CLYBL: variants seen among roughly 807,000 people sequenced by gnomAD.
CLYBL encodes the protein citramalyl-CoA lyase, mitochondrial.
A neutral mutation model predicts 38.9 loss-of-function variants in CLYBL; 31 were observed. The observed-to-expected ratio is 0.80, with a 90% CI of 0.60 to 1.08. CLYBL has a LOEUF of 1.08. Among genes scored for constraint, CLYBL ranks in the 50% least tolerant of loss-of-function variants. The pLI is 0.00. For synonymous variants in CLYBL, 171 were observed against 158.6 expected (o/e 1.08, Z -0.59); for missense variants, 434 against 411.6 (o/e 1.05, Z -0.47).
intron 2 of CLYBL, among the ~76,000 whole-genome samples, chr13:99,838,063 T>G (rs1375778303): frequency 6.6e-6 from 1 of 152,230 alleles, no homozygotes; most frequent in Non-Finnish European, 1.5e-5. Context: ...TTAAAAATGA[T>G]AGTTTTTATC....
chr13:99,755,880 C>T lies in CLYBL; in HGVS notation c.63-16944C>T, dbSNP rs190995880. Among the ~76,000 whole-genome samples, 436 of 152,286 alleles carry T rather than the reference C, an allele frequency of 2.9e-3. 3 individuals are homozygous for T. The highest frequency in any genetic ancestry group is 3.4e-3 in the Non-Finnish European group (230 of 68,034). On this transcript the variant is annotated intron_variant, in intron 1 of 8. Transcript: ENST00000339105. The stretch of plus-strand genomic sequence containing the variant: ...ATTACTTGGGCTCTCCCCACCGAAC[C>T]GCTGTCAGCATCTGAAGGGCTTTGT...
chr13:99,712,331 CTTTTTTTT>C (rs766784946), intron 1 of CLYBL, among the ~76,000 whole-genome samples: 1 of 120,840 alleles, frequency 8.3e-6, no homozygotes, highest in Non-Finnish European at 1.7e-5. Flanking sequence ...TAGCAATTGA[CTTTTTTTT>C]TTTTTTTTTT....
chr13:99,649,296 T>A (rs1016499854), intron 1 of CLYBL, among the ~76,000 whole-genome samples: 3 of 152,180 alleles, frequency 2.0e-5, no homozygotes, highest in Non-Finnish European at 4.4e-5. Context: ...TCATGCCAGC[T>A]CGCTTCTAGC....
At chr13:99,842,712 T>A (rs9585241) in intron 2 of CLYBL, among the ~76,000 whole-genome samples, 4,057 of 108,670 alleles carry the variant, frequency 0.037, 178 homozygotes, top group African/African-American at 0.12. Context: ...GCCCTTTTTT[T>A]TAAAAAAAAA....
At chr13:99,894,507 A>G (rs1238890253), downstream of CLYBL, 1 of 152,228 alleles carries the variant, frequency 6.6e-6, no homozygotes, top group Non-Finnish European at 1.5e-5. Context: ...ATGAGAAACA[A>G]TTACTTAGAA....
chr13:99,712,051 C>T (rs774575499), intron 1 of CLYBL, among the ~76,000 whole-genome samples: 3 of 152,144 alleles, frequency 2.0e-5, no homozygotes, highest in Admixed American at 6.5e-5. Flanking sequence ...GCTCAGTCCT[C>T]GTGACTAATC....
chr13:99,676,331 CAG>C (rs1320962563), intron 1 of CLYBL, among the ~76,000 whole-genome samples: 5 of 151,872 alleles, frequency 3.3e-5, no homozygotes, highest in African/African-American at 9.7e-5. Flanking sequence ...CTCTTTCTGA[CAG>C]AGTTTCACTC....
intron 1 of CLYBL, among the ~76,000 whole-genome samples, chr13:99,641,277 G>A (rs1779832570): frequency 6.6e-6 from 1 of 152,136 alleles, no homozygotes; most frequent in South Asian, 2.1e-4. Flanking sequence ...GTGGATGAAG[G>A]TGGGAACCCA....
rs145263766 is a variant in CLYBL at position 99,662,855 on chromosome 13, T to C, written c.62+56098T>C. On this transcript the variant is annotated intron_variant, in intron 1 of 8. Transcript: ENST00000339105. ...TTCCCTTATCAGCATTCTTCTCCCTTGTAATGTGGTTTGTTGCTTATATTT... is the reference window on the plus strand; with the variant it reads ...TTCCCTTATCAGCATTCTTCTCCCTCGTAATGTGGTTTGTTGCTTATATTT... Among the ~76,000 whole-genome samples, 449 of 152,306 alleles carry C rather than the reference T, an allele frequency of 2.9e-3. 1 individual carries two copies. The highest frequency in any genetic ancestry group is 5.3e-3 in the Non-Finnish European group (362 of 68,018).
chr13:99,631,190 C>T (rs1003589704), intron 1 of CLYBL, among the ~76,000 whole-genome samples: 19 of 151,968 alleles, frequency 1.3e-4, no homozygotes, highest in African/African-American at 4.6e-4. Flanking sequence ...CGCATGGTGG[C>T]GCATGCCTGT....
At chr13:99,863,714 C>T (rs894235463) in intron 4 of CLYBL, among the ~76,000 whole-genome samples, 5 of 152,268 alleles carry the variant, frequency 3.3e-5, no homozygotes, top group East Asian at 1.9e-4. Context: ...CGTTTTTTCT[C>T]GTTTATCAGG....
At chr13:99,720,309 C>G (rs2048375549) in intron 1 of CLYBL, among the ~76,000 whole-genome samples, 1 of 152,156 alleles carries the variant, frequency 6.6e-6, no homozygotes, top group Non-Finnish European at 1.5e-5. Context: ...CTCTGATATT[C>G]ACTCCCAGTC....
At chr13:99,907,927 G>A (rs192213053) in intron 9 of CLYBL, among the ~76,000 whole-genome samples, 146 of 152,262 alleles carry the variant, frequency 9.6e-4, no homozygotes, top group African/African-American at 3.2e-3. Flanking sequence ...GGCTTGCGAG[G>A]GACTCCTCCT....
chr13:99,886,921 C>T (rs1014368233), intron 7 of CLYBL, among the ~76,000 whole-genome samples: 1 of 152,176 alleles, frequency 6.6e-6, no homozygotes, highest in Admixed American at 6.5e-5. Flanking sequence ...TCACCAGGGC[C>T]TGGCACAAGG....
intron 2 of CLYBL, among the ~76,000 whole-genome samples, chr13:99,805,984 T>G (rs1035694588): frequency 6.6e-6 from 1 of 152,218 alleles, no homozygotes; most frequent in Non-Finnish European, 1.5e-5. Context: ...TCAATTCAGT[T>G]AACTATTCCC....
intron 2 of CLYBL, among the ~76,000 whole-genome samples, chr13:99,836,571 G>A (rs190329264): frequency 3.9e-5 from 6 of 152,276 alleles, no homozygotes; most frequent in Non-Finnish European, 8.8e-5. Flanking sequence ...CCAGTTTCAG[G>A]GCTCTGCATG....
chr13:99,740,963 A>T (rs1213668658), intron 1 of CLYBL, among the ~76,000 whole-genome samples: 1 of 152,164 alleles, frequency 6.6e-6, no homozygotes, highest in Non-Finnish European at 1.5e-5. Flanking sequence ...AAGAAATATG[A>T]TATTTATAAA....
At chr13:99,626,597 G>T (rs947444619) in intron 1 of CLYBL, among the ~76,000 whole-genome samples, 9 of 152,178 alleles carry the variant, frequency 5.9e-5, no homozygotes, top group African/African-American at 1.9e-4. Flanking sequence ...GAACTCTGCA[G>T]CTTATGGGGC....
rs372138484 is a variant in CLYBL at position 99,623,094 on chromosome 13, A to G, written c.62+16337A>G. Among the ~76,000 whole-genome samples the G allele has an allele frequency of 2.1e-4, 32 of 152,264 alleles. No individual in the cohort carries two copies. The South Asian group carries it at 6.0e-3, about 29-fold the overall frequency. ...CTGCTATGAACATTCATATACAGGT[A>G]TTTGTTTTCAGTTCCTTTAGGTTTA... is the stretch of plus-strand genomic sequence containing the variant. On this transcript the variant is annotated intron_variant, in intron 1 of 8. Transcript: ENST00000339105.
Sources: gnomAD v4.1 joint callset for allele counts (sites outside exome capture counted in the v4.1 genomes callset) on GRCh38, gnomAD v4.1.1 for gene constraint, MANE v1.5 for transcripts, NCBI Gene and HGNC (gene_info 2026-07-23, HGNC 2026-07-21) for gene names.